SLC35F2: variants seen among roughly 807,000 people sequenced by gnomAD.
SLC35F2 encodes queuine/queuosine transporter SLC35F2.
Under a neutral mutation model 38.1 loss-of-function variants are expected in SLC35F2, and 25 were observed. That is an observed-to-expected ratio of 0.66 (90% confidence interval 0.48 to 0.92). SLC35F2 has a LOEUF of 0.92. Ranked by LOEUF, SLC35F2 falls within the 40% of genes least tolerant of loss-of-function variation. The probability of loss-of-function intolerance (pLI) is 0.00; values close to 1 mark genes in which losing one functional copy is unlikely to be tolerated. For synonymous variants in SLC35F2, 173 were observed against 181.7 expected (o/e 0.95, Z 0.38); for missense variants, 409 against 452.9 (o/e 0.90, Z 0.88).
intron 1 of SLC35F2, among the ~76,000 whole-genome samples, chr11:107,818,128 GAAAGAAAA>G (rs1457860370): frequency 6.3e-4 from 89 of 141,426 alleles, no homozygotes; most frequent in Non-Finnish European, 1.0e-3. Flanking sequence ...AAGAAAGAAA[GAAAGAAAA>G]AGAAACAATT....
intron 1 of SLC35F2, among the ~76,000 whole-genome samples, chr11:107,851,458 C>A (rs1291980453): frequency 7.6e-6 from 1 of 132,436 alleles, no homozygotes; most frequent in Non-Finnish European, 1.6e-5. Flanking sequence ...AGAGAAACTC[C>A]GTCTCAAAAA....
chr11:107,837,387 T>C (rs1457978742), intron 1 of SLC35F2, among the ~76,000 whole-genome samples: 1 of 152,058 alleles, frequency 6.6e-6, no homozygotes, highest in African/African-American at 2.4e-5. Context: ...CATTCTGCCA[T>C]GCTAAAAAAC....
chr11:107,843,860 A>G (rs1309911080), intron 1 of SLC35F2, among the ~76,000 whole-genome samples: 1 of 39,682 alleles, frequency 2.5e-5, no homozygotes, highest in Non-Finnish European at 4.9e-5. Flanking sequence ...AAAAAAAAAA[A>G]AAAAAAAAAT....
At chr11:107,811,879 G>T in intron 2 of SLC35F2, 85 bp from the exon 3 acceptor site, 1 of 1,269,398 alleles carries the variant, frequency 7.9e-7, no homozygotes, top group Non-Finnish European at 1.1e-6. Context: ...GTAGAAGCAA[G>T]AGTTTCTTGT....
chr11:107,842,640 C>G (rs1054096917), intron 1 of SLC35F2, among the ~76,000 whole-genome samples: 1 of 152,208 alleles, frequency 6.6e-6, no homozygotes, highest in Non-Finnish European at 1.5e-5. Context: ...CCACCTCAGC[C>G]TGCCCAGTAG....
chr11:107,847,037 T>C (rs917295488), intron 1 of SLC35F2, among the ~76,000 whole-genome samples: 1 of 151,902 alleles, frequency 6.6e-6, no homozygotes, highest in African/African-American at 2.4e-5. Flanking sequence ...CTTCAGTAAA[T>C]AATGGCATAG....
At chr11:107,853,904 C>A (rs1181592124) in intron 1 of SLC35F2, among the ~76,000 whole-genome samples, 10 of 151,760 alleles carry the variant, frequency 6.6e-5, no homozygotes, top group Admixed American at 6.6e-4. Flanking sequence ...ATGGTTGTTA[C>A]AAGGAATACG....
At chr11:107,794,585 GT>G (rs1201847019) in intron 7 of SLC35F2, among the ~76,000 whole-genome samples, 3 of 152,162 alleles carry the variant, frequency 2.0e-5, no homozygotes, top group African/African-American at 7.2e-5. Flanking sequence ...TAGGAATGGA[GT>G]AGCTAACATC....
chr11:107,803,412 A>G (rs1859344714), intron 6 of SLC35F2: 1 of 985,264 alleles, frequency 1.0e-6, no homozygotes, highest in Admixed American at 6.2e-5. Context: ...AATCCTGCTT[A>G]TGGTGTGACA....
At position 107,804,104 on chromosome 11, in the gene SLC35F2, G is replaced by A. The variant is rs546731409; in HGVS notation, c.784+614C>T. On this transcript the variant is annotated intron_variant, in intron 6 of 7. Coordinates refer to ENST00000525815, the MANE Select transcript of SLC35F2 (RefSeq NM_017515.5). ...ACCCACCTCAGCCTCCCAAAGTGCT[G>A]GGATTACGGGCGTGAGCCACCGCAC... is the stretch of plus-strand genomic sequence containing the variant. Among the ~76,000 whole-genome samples, 6 of 151,632 alleles carry A rather than the reference G, an allele frequency of 4.0e-5. No individual in the cohort carries two copies. The South Asian group carries it at 1.3e-3, about 32-fold the overall frequency.
At chr11:107,825,040 C>T (rs757568353) in intron 1 of SLC35F2, among the ~76,000 whole-genome samples, 3 of 151,402 alleles carry the variant, frequency 2.0e-5, no homozygotes, top group Non-Finnish European at 4.4e-5. Flanking sequence ...AGAATGGCTA[C>T]CAAATTAGAC....
At chr11:107,841,614 A>G (rs951219564) in intron 1 of SLC35F2, among the ~76,000 whole-genome samples, 2 of 151,380 alleles carry the variant, frequency 1.3e-5, no homozygotes, top group African/African-American at 4.9e-5. Context: ...CAGAGACCCA[A>G]CTTCATTAGG....
chr11:107,841,357 G>T (rs1466398395), intron 1 of SLC35F2, among the ~76,000 whole-genome samples: 1 of 152,090 alleles, frequency 6.6e-6, no homozygotes, highest in Non-Finnish European at 1.5e-5. Context: ...GAGGTCAGGG[G>T]TTCAAGACCA....
chr11:107,823,871 G>A (rs932863927), intron 1 of SLC35F2: 9 of 495,966 alleles, frequency 1.8e-5, no homozygotes, highest in African/African-American at 2.2e-5. Context: ...GGAGTTTGCA[G>A]TGAGCCAAGA....
intron 2 of SLC35F2, 50 bp downstream of exon 2, chr11:107,815,740 T>C: frequency 2.6e-6 from 4 of 1,543,816 alleles, no homozygotes; most frequent in Non-Finnish European, 3.5e-6. Context: ...TTTCTAGTAA[T>C]TTTTATGAAG....
At chr11:107,808,448 A>G (rs1859430237) in intron 3 of SLC35F2, among the ~76,000 whole-genome samples, 1 of 152,196 alleles carries the variant, frequency 6.6e-6, no homozygotes, top group African/African-American at 2.4e-5. Context: ...GATGCATTCC[A>G]ATGTATTTCT....
chr11:107,840,939 G>A (rs1444070341), intron 1 of SLC35F2, among the ~76,000 whole-genome samples: 4 of 151,962 alleles, frequency 2.6e-5, no homozygotes, highest in Non-Finnish European at 2.9e-5. Context: ...GAGGCGGCGA[G>A]GAGATTTCCT....
chr11:107,848,435 T>A (rs1860130125), intron 1 of SLC35F2, among the ~76,000 whole-genome samples: 1 of 152,176 alleles, frequency 6.6e-6, no homozygotes, highest in East Asian at 1.9e-4. Flanking sequence ...TGAAATTTAA[T>A]CCCTAATGTG....
intron 1 of SLC35F2, among the ~76,000 whole-genome samples, chr11:107,854,578 G>A (rs1254778625): frequency 6.6e-6 from 1 of 152,114 alleles, no homozygotes; most frequent in Non-Finnish European, 1.5e-5. Context: ...CTCCACTAAG[G>A]AATATATGGT....
Sources: gnomAD v4.1 joint callset for allele counts (sites outside exome capture counted in the v4.1 genomes callset) on GRCh38, gnomAD v4.1.1 for gene constraint, MANE v1.5 for transcripts, NCBI Gene and HGNC (gene_info 2026-07-23, HGNC 2026-07-21) for gene names.